The following BABAM2 variants were observed in gnomAD, a reference collection of about 807,000 sequenced individuals.
The protein encoded by BABAM2 is BRISC and BRCA1-A complex member 2.
A neutral mutation model predicts 54.7 loss-of-function variants in BABAM2; 31 were observed. The ratio of observed to expected loss-of-function variants is 0.57; its 90% CI spans 0.43 to 0.77. The LOEUF (loss-of-function observed/expected upper bound fraction) is 0.77, where lower values mean the gene tolerates loss of function less well. Ranked by LOEUF, BABAM2 falls within the 30% of genes least tolerant of loss-of-function variation. The pLI is 0.00. For synonymous variants in BABAM2, 167 were observed against 162.9 expected (o/e 1.03, Z -0.19); for missense variants, 364 against 455.8 (o/e 0.80, Z 1.83).
chr2:28,131,049 T>C (rs1167672994), intron 7 of BABAM2, among the ~76,000 whole-genome samples: 1 of 45,834 alleles, frequency 2.2e-5, no homozygotes, highest in Non-Finnish European at 5.1e-5. Flanking sequence ...CCCCAAAGAG[T>C]GTTTTATTAT....
intron 10 of BABAM2, among the ~76,000 whole-genome samples, chr2:28,284,435 A>G (rs778473540): frequency 1.1e-4 from 16 of 152,154 alleles, no homozygotes; most frequent in Non-Finnish European, 2.2e-4. Context: ...GGTTAGCAAA[A>G]AAAGAAAGAG....
intron 4 of BABAM2, among the ~76,000 whole-genome samples, chr2:28,016,740 T>TG (rs558074979): frequency 6.6e-6 from 1 of 152,212 alleles, no homozygotes; most frequent in Non-Finnish European, 1.5e-5. Flanking sequence ...ACTACCCTGT[T>TG]TAATTTTTTT....
At chr2:28,013,328 G>A (rs754748652) in intron 4 of BABAM2, 9 of 455,532 alleles carry the variant, frequency 2.0e-5, no homozygotes, top group South Asian at 1.4e-4. Flanking sequence ...ATTTGAACAT[G>A]CCCTAGAATT....
At chr2:27,920,057 A>G (rs1003152354) in intron 2 of BABAM2, among the ~76,000 whole-genome samples, 5 of 152,310 alleles carry the variant, frequency 3.3e-5, no homozygotes, top group Admixed American at 1.3e-4. Flanking sequence ...GGGTCTAGCC[A>G]TAGTTTTTAG....
intron 7 of BABAM2, among the ~76,000 whole-genome samples, chr2:28,150,800 C>T (rs1671952690): frequency 6.6e-6 from 1 of 152,194 alleles, no homozygotes; most frequent in Admixed American, 6.5e-5. Context: ...CTGGATTCCT[C>T]CACTTGTAAA....
intron 11 of BABAM2, chr2:28,308,100 G>A (rs1030988856): frequency 6.1e-5 from 15 of 247,028 alleles, no homozygotes; most frequent in South Asian, 1.2e-4. Flanking sequence ...TGACTTTGCC[G>A]AGGGCACACA....
intron 11 of BABAM2, among the ~76,000 whole-genome samples, chr2:28,320,528 A>T (rs1303499277): frequency 6.6e-6 from 1 of 152,232 alleles, no homozygotes; most frequent in African/African-American, 2.4e-5. Context: ...TGAGAGAAAG[A>T]AACCCGACTG....
At chr2:28,127,101 C>G (rs1669617605) in intron 6 of BABAM2, among the ~76,000 whole-genome samples, 1 of 152,140 alleles carries the variant, frequency 6.6e-6, no homozygotes, top group South Asian at 2.1e-4. Flanking sequence ...CCTGTTCACT[C>G]TGATGGTAGT....
chr2:27,982,926 A>G (rs1032614901), intron 3 of BABAM2, among the ~76,000 whole-genome samples: 1 of 151,402 alleles, frequency 6.6e-6, no homozygotes, highest in African/African-American at 2.4e-5. Context: ...TTTGTGGACA[A>G]TTGGGTTGCT....
At chr2:28,250,114 G>A (rs1683304678) in intron 10 of BABAM2, among the ~76,000 whole-genome samples, 1 of 152,068 alleles carries the variant, frequency 6.6e-6, no homozygotes, top group East Asian at 1.9e-4. Context: ...ATGCTGTGAG[G>A]TCTTCCCTAT....
intron 6 of BABAM2, among the ~76,000 whole-genome samples, chr2:28,058,863 T>C (rs1678641789): frequency 6.6e-6 from 1 of 152,180 alleles, no homozygotes; most frequent in Non-Finnish European, 1.5e-5. Context: ...ACTTTGAATG[T>C]ATTTTACAAA....
chr2:28,191,097 CT>C (rs1451995500), intron 7 of BABAM2, among the ~76,000 whole-genome samples: 2 of 152,132 alleles, frequency 1.3e-5, no homozygotes, highest in African/African-American at 2.4e-5. Flanking sequence ...ATACAAAGAA[CT>C]GTTACAACTT....
intron 5 of BABAM2, among the ~76,000 whole-genome samples, chr2:28,028,582 C>T (rs1025250160): frequency 3.9e-5 from 6 of 152,140 alleles, no homozygotes; most frequent in African/African-American, 7.2e-5. Context: ...AAATCACAAA[C>T]GCCTGGAACA....
intron 6 of BABAM2, among the ~76,000 whole-genome samples, chr2:28,110,826 A>G (rs1442616606): frequency 6.6e-6 from 1 of 152,068 alleles, no homozygotes; most frequent in Non-Finnish European, 1.5e-5. Flanking sequence ...TACCCCCAAC[A>G]GTGCACAAGT....
intron 4 of BABAM2, among the ~76,000 whole-genome samples, chr2:28,007,820 G>T (rs959373585): frequency 3.3e-5 from 5 of 152,214 alleles, no homozygotes; most frequent in South Asian, 2.1e-4. Context: ...TGTGATTGAT[G>T]ACTATAATTA....
intron 7 of BABAM2, among the ~76,000 whole-genome samples, chr2:28,173,185 A>G (rs1010488377): frequency 1.3e-5 from 2 of 152,248 alleles, no homozygotes; most frequent in Non-Finnish European, 2.9e-5. Context: ...TGACACAAAC[A>G]TTCATTTCAT....
intron 3 of BABAM2, among the ~76,000 whole-genome samples, chr2:27,958,987 A>G (rs890734345): frequency 2.0e-5 from 3 of 152,212 alleles, no homozygotes; most frequent in Non-Finnish European, 4.4e-5. Flanking sequence ...AAATGGAAGG[A>G]CACCACCTTT....
At chr2:28,225,147 G>A (rs11686837) in intron 7 of BABAM2, among the ~76,000 whole-genome samples, 25,269 of 152,220 alleles carry the variant, frequency 0.17, 2,194 homozygotes, top group Non-Finnish European at 0.18. Flanking sequence ...CCTGCTCTCA[G>A]CTGGTGCTGC....
chr2:28,336,212 G>A (rs1393916157), intron 11 of BABAM2, among the ~76,000 whole-genome samples: 1 of 152,182 alleles, frequency 6.6e-6, no homozygotes, highest in Non-Finnish European at 1.5e-5. Flanking sequence ...GGAGCTATGG[G>A]AGTCACTACG....
Sources: gnomAD v4.1 joint callset for allele counts (sites outside exome capture counted in the v4.1 genomes callset) on GRCh38, gnomAD v4.1.1 for gene constraint, MANE v1.5 for transcripts, NCBI Gene and HGNC (gene_info 2026-07-23, HGNC 2026-07-21) for gene names.